XDH: variants seen among roughly 807,000 people sequenced by gnomAD.
XDH encodes xanthine dehydrogenase, also known as xanthine dehydrogenase/oxidase.
A neutral mutation model predicts 156.1 loss-of-function variants in XDH; 138 were observed. The observed-to-expected ratio is 0.88, with a 90% CI of 0.77 to 1.02. The LOEUF is 1.02. Among genes scored for constraint, XDH ranks in the 50% least tolerant of loss-of-function variants. XDH has a pLI of 0.00. For missense variants in XDH, 1,849 were observed against 1,684.9 expected (o/e 1.10, Z -1.71); for synonymous variants, 669 against 625.7 (o/e 1.07, Z -1.03).
intron 23 of XDH, among the ~76,000 whole-genome samples, chr2:31,364,681 G>T (rs1685862783): frequency 6.6e-6 from 1 of 152,172 alleles, no homozygotes; most frequent in Non-Finnish European, 1.5e-5. Context: ...GCAAATCCTT[G>T]ACCTTATGTA....
intron 30 of XDH, among the ~76,000 whole-genome samples, chr2:31,345,294 T>G (rs192326701): frequency 3.3e-5 from 5 of 152,290 alleles, no homozygotes; most frequent in Non-Finnish European, 5.9e-5. Flanking sequence ...TCTCCCTAAC[T>G]GGCCATTATA....
chr2:31,397,821 T>C, intron 5 of XDH, 92 bp from the exon 6 acceptor site: 1 of 1,425,160 alleles, frequency 7.0e-7, no homozygotes, highest in Non-Finnish European at 9.9e-7. Flanking sequence ...TTGGGTGCTC[T>C]CTTTACCAGG....
chr2:31,357,387 C>T (rs1011367580), intron 24 of XDH, among the ~76,000 whole-genome samples: 1 of 152,114 alleles, frequency 6.6e-6, no homozygotes, highest in Non-Finnish European at 1.5e-5. Context: ...ATTACCAAAT[C>T]AGGATTGAAA....
intron 3 of XDH, 112 bp downstream of exon 3, chr2:31,402,936 G>T: frequency 8.7e-7 from 1 of 1,147,882 alleles, no homozygotes; most frequent in Middle Eastern, 2.0e-4. Context: ...CATAAAAACA[G>T]GGGCTCACAC....
intron 35 of XDH, among the ~76,000 whole-genome samples, chr2:31,336,482 T>C (rs957582666): frequency 2.0e-5 from 3 of 152,032 alleles, no homozygotes; most frequent in Non-Finnish European, 4.4e-5. Flanking sequence ...TTGGGAGCCA[T>C]GCCACCCACT....
chr2:31,411,112 A>C (rs573914450), intron 1 of XDH, among the ~76,000 whole-genome samples: 1 of 151,622 alleles, frequency 6.6e-6, no homozygotes, highest in Admixed American at 6.6e-5. Context: ...TAGAACCCCA[A>C]CTCTACTAAA....
rs1213771504 is a variant in XDH at position 31,368,561 on chromosome 2, G to T, written c.2080C>A (p.Pro694Thr). 2.5e-6 allele frequency: 4 copies of T among 1,614,038 alleles called. No individual in the cohort carries two copies. The highest frequency in any genetic ancestry group is 3.4e-6 in the Non-Finnish European group (4 of 1,180,034). Residue 694 changes from proline to threonine, a missense_variant, in exon 19 of 36, where the codon CCA (proline) becomes ACA (threonine). Transcript: ENST00000379416. ...QGVKITYEEL[P>T]AIITIEDAIK... ...GTTACCTCAATTGTGATAATGGCTG[G>T]TAGTTCTTCATAGGTGATTTTCACC...
intron 3 of XDH, among the ~76,000 whole-genome samples, chr2:31,401,893 A>T (rs1687070504): frequency 5.9e-5 from 9 of 152,250 alleles, no homozygotes; most frequent in Admixed American, 5.9e-4. Context: ...TCAGTTATTG[A>T]GTGCCAGACA....
At chr2:31,336,514 G>A (rs1684973901) in intron 35 of XDH, among the ~76,000 whole-genome samples, 1 of 151,918 alleles carries the variant, frequency 6.6e-6, no homozygotes, top group Non-Finnish European at 1.5e-5. Flanking sequence ...AATGGGTTTG[G>A]GTGATTGTCA....
chr2:31,370,470 T>C lies in XDH; in HGVS notation c.1865A>G (p.Asp622Gly). The change falls in exon 18 of 36, where the codon GAT (aspartate) becomes GGT (glycine). Residue 622 changes from aspartate to glycine, a missense_variant. Physicochemically the swap from Asp to Gly is moderately conservative, Grantham distance 94 (BLOSUM62 -1). Coordinates refer to ENST00000379416, the MANE Select transcript of XDH (RefSeq NM_000379.4). Reference protein sequence around the residue: ...TRAHAKIKSIDTSEAKKVPGF... With the variant: ...TRAHAKIKSIGTSEAKKVPGF... ...TGGAACCTTCTTAGCTTCTGATGTA[T>C]CTATGGACCTGCAAGAATGAGTGGT... 1 of 1,614,178 alleles carries C rather than the reference T, an allele frequency of 6.2e-7. No individual in the cohort carries two copies. The highest frequency in any genetic ancestry group is 8.5e-7 in the Non-Finnish European group (1 of 1,180,006).
intron 15 of XDH, among the ~76,000 whole-genome samples, chr2:31,375,015 CTTTCTTTCTTT>C (rs545779607): frequency 0.022 from 2,454 of 110,878 alleles, 16 homozygotes; most frequent in Middle Eastern, 0.054. Flanking sequence ...TTCTTTCTTT[CTTTCTTTCTTT>C]TTTTTTTTTT....
At position 31,364,139 on chromosome 2, in the gene XDH, G is replaced by A. The variant is rs368546470; in HGVS notation, c.2631+19C>T. On this transcript the variant is annotated intron_variant, in intron 24 of 35. Transcript: ENST00000379416. ...CGAAGTCAGCTCTGGGTGCAGGGGC[G>A]GCTGCAGGTCCTACTCACACTCTGA... The A allele has an allele frequency of 1.9e-5, 30 of 1,612,644 alleles. No homozygotes were observed. The highest frequency in any genetic ancestry group is 8.0e-5 in the African/African-American group (6 of 74,838).
intron 1 of XDH, among the ~76,000 whole-genome samples, chr2:31,406,959 C>T (rs901742741): frequency 2.0e-5 from 3 of 152,126 alleles, no homozygotes; most frequent in African/African-American, 7.2e-5. Flanking sequence ...CTAGAAAGTG[C>T]GATGTCAGTT....
At chr2:31,369,709 C>T (rs1686021411) in intron 18 of XDH, among the ~76,000 whole-genome samples, 1 of 152,216 alleles carries the variant, frequency 6.6e-6, no homozygotes, top group African/African-American at 2.4e-5. Context: ...GAAATGCTCT[C>T]CTCATGGAGT....
Position 31,368,027 on chromosome 2 carries a change from G to T in XDH, c.2131C>A (p.Pro711Thr). The T allele has an allele frequency of 6.2e-7, 1 of 1,614,118 alleles. No homozygotes were observed. The highest frequency in any genetic ancestry group is 8.5e-7 in the Non-Finnish European group (1 of 1,179,990). The change falls in exon 20 of 36, where the codon CCT becomes ACT. Residue 711 changes from proline to threonine, a missense_variant. Coordinates refer to ENST00000379416, the MANE Select transcript of XDH (RefSeq NM_000379.4). ...TCCCCTTTCTCGATCTTCAGCTCAG[G>T]TCCATAAAAGGAGTTGTTCTTTATA... The part of the protein sequence containing the change: ...DAIKNNSFYG[P>T]ELKIEKGDLK...
At chr2:31,337,315 A>G (rs1684992759) in intron 35 of XDH, among the ~76,000 whole-genome samples, 1 of 152,210 alleles carries the variant, frequency 6.6e-6, no homozygotes, top group Admixed American at 6.5e-5. Context: ...GACTCATACT[A>G]AAGATTAGGC....
At chr2:31,380,145 G>A (rs1404389290) in intron 12 of XDH, among the ~76,000 whole-genome samples, 169 bp from the exon 13 acceptor site, 2 of 152,234 alleles carry the variant, frequency 1.3e-5, no homozygotes, top group Non-Finnish European at 2.9e-5. Context: ...AAATCCTTAA[G>A]CATCCTTAAG....
Position 31,335,673 on chromosome 2 carries a change from C to G in XDH, c.*285G>C, listed in dbSNP as rs757430938. 2 of 526,412 alleles carry G rather than the reference C, an allele frequency of 3.8e-6. No individual in the cohort carries two copies. The highest frequency in any genetic ancestry group is 6.9e-6 in the Non-Finnish European group (2 of 290,458). The allele number at this position is 526,412 out of a possible 1,614,324, so 32.6% of individuals were successfully genotyped here. A position where few individuals can be genotyped will look rare whatever the true frequency, so the allele number is the denominator to read the frequency against. On this transcript the variant is annotated 3_prime_UTR_variant, in exon 36 of 36. Coordinates refer to ENST00000379416, the MANE Select transcript of XDH (RefSeq NM_000379.4). ...CAGTAAGTGGGGAATAGCACAAACCCTTCCCGACCCTATTCCAGATACATG... is the reference window on the plus strand; with the variant it reads ...CAGTAAGTGGGGAATAGCACAAACCGTTCCCGACCCTATTCCAGATACATG...
chr2:31,378,597 G>C (rs754183258), intron 13 of XDH, among the ~76,000 whole-genome samples: 1 of 152,128 alleles, frequency 6.6e-6, no homozygotes, highest in Non-Finnish European at 1.5e-5. Flanking sequence ...ACTGAGCCCA[G>C]AGTTTGACCT....
Sources: allele counts gnomAD v4.1 joint callset (sites outside exome capture counted in the v4.1 genomes callset), GRCh38; gene constraint gnomAD v4.1.1; transcripts MANE v1.5; gene names NCBI Gene and HGNC (gene_info 2026-07-23, HGNC 2026-07-21).